The following PPP2R5E variants were observed in gnomAD, a reference collection of about 807,000 sequenced individuals.
PPP2R5E encodes serine/threonine-protein phosphatase 2A 56 kDa regulatory subunit epsilon isoform.
In PPP2R5E, 4 loss-of-function variants were observed where a neutral mutation model predicts 65.3. The ratio of observed to expected loss-of-function variants is 0.06; its 90% confidence interval spans 0.03 to 0.14. PPP2R5E has a LOEUF of 0.14. PPP2R5E is among the 10% of genes least tolerant of loss of function. The pLI is 1.00. For missense variants in PPP2R5E, 274 were observed against 556.1 expected, an observed-to-expected ratio of 0.49 and a Z score of 5.10; for synonymous variants, 183 against 187.4, an observed-to-expected ratio of 0.98 and a Z score of 0.19.
At chr14:63,438,335 C>G (rs1296018211) in intron 3 of PPP2R5E, among the ~76,000 whole-genome samples, 2 of 152,212 alleles carry the variant, frequency 1.3e-5, no homozygotes, top group African/African-American at 4.8e-5. Flanking sequence ...ATCATACAAA[C>G]TAACACCAAG....
rs145867064 is a variant in PPP2R5E at position 63,460,496 on chromosome 14, G to A, written c.158-6611C>T. On this transcript the variant is annotated intron_variant, in intron 2 of 13. Coordinates refer to ENST00000337537, the MANE Select transcript of PPP2R5E (RefSeq NM_006246.5). ...TTGCTATGGTTAGTTATTTGTTTAA[G>A]AGAAGTTGCAGTCTAAAAGAAAAAT... 9.4e-3 allele frequency among the ~76,000 whole-genome samples: 1,433 copies of A among 152,258 alleles called. 30 individuals carry two copies. The highest frequency in any genetic ancestry group is 0.033 in the African/African-American group (1,378 of 41,546).
intron 2 of PPP2R5E, among the ~76,000 whole-genome samples, chr14:63,461,575 C>T (rs1019101572): frequency 4.7e-5 from 7 of 150,188 alleles, no homozygotes; most frequent in African/African-American, 1.5e-4. Flanking sequence ...GTGGGAGGAT[C>T]GTTTAAAAGC....
At chr14:63,533,378 A>G (rs1037475005) in intron 2 of PPP2R5E, among the ~76,000 whole-genome samples, 1 of 151,866 alleles carries the variant, frequency 6.6e-6, no homozygotes, top group Non-Finnish European at 1.5e-5. Flanking sequence ...CCTGACCAAC[A>G]TGGAGAAACC....
At chr14:63,541,779 T>C (rs1443395207) in intron 1 of PPP2R5E, among the ~76,000 whole-genome samples, 5 of 152,160 alleles carry the variant, frequency 3.3e-5, no homozygotes, top group Non-Finnish European at 5.9e-5. Context: ...TGCACACATA[T>C]GATGTTGACG....
At chr14:63,520,251 G>T (rs180790677) in intron 2 of PPP2R5E, among the ~76,000 whole-genome samples, 3 of 151,652 alleles carry the variant, frequency 2.0e-5, no homozygotes, top group African/African-American at 4.8e-5. Flanking sequence ...TAGCCAGGAT[G>T]GTCTCGATCT....
At chr14:63,488,524 T>G (rs113558937) in intron 2 of PPP2R5E, among the ~76,000 whole-genome samples, 4,765 of 151,980 alleles carry the variant, frequency 0.031, 220 homozygotes, top group African/African-American at 0.11. Flanking sequence ...TTTAAGAGAA[T>G]CCCCTAGACT....
chr14:63,525,952 G>A (rs572854298), intron 2 of PPP2R5E, among the ~76,000 whole-genome samples: 1 of 152,258 alleles, frequency 6.6e-6, no homozygotes, highest in South Asian at 2.1e-4. Context: ...CGCCGCATGG[G>A]TTCAAGAGAT....
intron 2 of PPP2R5E, among the ~76,000 whole-genome samples, chr14:63,507,768 C>G (rs1056931309): frequency 6.6e-6 from 1 of 151,764 alleles, no homozygotes; most frequent in Non-Finnish European, 1.5e-5. Flanking sequence ...TTAGTAGAGA[C>G]GGGGTTTCAC....
At chr14:63,526,520 TTCTCTTTCTCTCTCTCTC>T (rs1325257909) in intron 2 of PPP2R5E, among the ~76,000 whole-genome samples, 1 of 151,892 alleles carries the variant, frequency 6.6e-6, no homozygotes, top group African/African-American at 2.4e-5. Context: ...CTGTCTCTCT[TTCTCTTTCTCTCTCTCTC>T]TCTCAATCTT....
intron 2 of PPP2R5E, among the ~76,000 whole-genome samples, chr14:63,468,129 C>CTTAGTA (rs1217520544): frequency 6.6e-6 from 1 of 152,204 alleles, no homozygotes; most frequent in Non-Finnish European, 1.5e-5. Flanking sequence ...ACTGCTGAGC[C>CTTAGTA]TTAGTATCTT....
chr14:63,501,755 G>A (rs535526267), intron 2 of PPP2R5E, among the ~76,000 whole-genome samples: 16 of 152,278 alleles, frequency 1.1e-4, no homozygotes, highest in Admixed American at 3.3e-4. Flanking sequence ...ATATGGTGGT[G>A]ACATATATTC....
At chr14:63,419,035 C>T (rs1263306410) in intron 4 of PPP2R5E, among the ~76,000 whole-genome samples, 4 of 151,986 alleles carry the variant, frequency 2.6e-5, no homozygotes, top group South Asian at 2.1e-4. Flanking sequence ...TTCATAGAGG[C>T]GAGGTTTCAC....
At chr14:63,407,550 A>T (rs1426609903) in intron 5 of PPP2R5E, among the ~76,000 whole-genome samples, 1 of 151,882 alleles carries the variant, frequency 6.6e-6, no homozygotes, top group Non-Finnish European at 1.5e-5. Context: ...ATATATGCTT[A>T]TTTTTTTTAT....
chr14:63,426,925 T>G (rs146654363), intron 3 of PPP2R5E, among the ~76,000 whole-genome samples: 2 of 152,292 alleles, frequency 1.3e-5, no homozygotes, highest in African/African-American at 2.4e-5. Context: ...TGCAACAGTT[T>G]GTATGTTAGT....
chr14:63,478,649 TCA>T (rs1348324873), intron 2 of PPP2R5E, among the ~76,000 whole-genome samples: 7 of 152,062 alleles, frequency 4.6e-5, no homozygotes, highest in African/African-American at 1.4e-4. Flanking sequence ...AGTTTTGACC[TCA>T]CAGACCCCTG....
intron 2 of PPP2R5E, among the ~76,000 whole-genome samples, chr14:63,483,203 G>A (rs1890798202): frequency 6.6e-6 from 1 of 152,088 alleles, no homozygotes; most frequent in East Asian, 1.9e-4. Flanking sequence ...ACAGACAAGT[G>A]CAAGAGAAAA....
chr14:63,459,077 G>C (rs1889311016), intron 2 of PPP2R5E, among the ~76,000 whole-genome samples: 1 of 152,120 alleles, frequency 6.6e-6, no homozygotes, highest in African/African-American at 2.4e-5. Flanking sequence ...CAAAATCACT[G>C]AGAATTTTAC....
intron 1 of PPP2R5E, among the ~76,000 whole-genome samples, chr14:63,541,517 A>T (rs1015056545): frequency 2.0e-5 from 3 of 152,262 alleles, no homozygotes; most frequent in Non-Finnish European, 4.4e-5. Context: ...TCACCAAATT[A>T]AACAGATGCC....
chr14:63,461,288 G>C (rs1345542522), intron 2 of PPP2R5E, among the ~76,000 whole-genome samples: 1 of 151,578 alleles, frequency 6.6e-6, no homozygotes, highest in Non-Finnish European at 1.5e-5. Context: ...GTATTCTACA[G>C]TTTGCATTTC....
Sources: allele counts gnomAD v4.1 joint callset (sites outside exome capture counted in the v4.1 genomes callset), GRCh38; gene constraint gnomAD v4.1.1; transcripts MANE v1.5; gene names NCBI Gene and HGNC (gene_info 2026-07-23, HGNC 2026-07-21).